Variants in MGAT4C observed in about 807,000 individuals in gnomAD.
MGAT4C encodes the protein MGAT4 family member C, also known as alpha-1,3-mannosyl-glycoprotein 4-beta-N-acetylglucosaminyltransferase C.
A neutral mutation model predicts 40.1 loss-of-function variants in MGAT4C; 19 were observed. The observed-to-expected ratio is 0.47, with a 90% CI of 0.33 to 0.70. The LOEUF (loss-of-function observed/expected upper bound fraction) is 0.70. MGAT4C is among the 30% of genes least tolerant of loss of function. The pLI is 0.02. For missense variants in MGAT4C, 491 were observed against 563.2 expected, an observed-to-expected ratio of 0.87 and a Z score of 1.30; for synonymous variants, 181 against 187.1, an observed-to-expected ratio of 0.97 and a Z score of 0.27.
intron 4 of MGAT4C, among the ~76,000 whole-genome samples, chr12:86,317,225 A>G (rs1262334946): frequency 6.6e-6 from 1 of 152,178 alleles, no homozygotes; most frequent in Admixed American, 6.5e-5. Context: ...TTAACAAAAA[A>G]GAGCAAAAAC....
chr12:86,704,425 A>G (rs1950421307), intron 2 of MGAT4C, among the ~76,000 whole-genome samples: 1 of 152,106 alleles, frequency 6.6e-6, no homozygotes, highest in South Asian at 2.1e-4. Flanking sequence ...AAAAACATAT[A>G]CATGTTTACT....
chr12:86,040,633 T>C (rs2136935878), intron 2 of MGAT4C, among the ~76,000 whole-genome samples: 1 of 151,736 alleles, frequency 6.6e-6, no homozygotes, highest in African/African-American at 2.4e-5. Flanking sequence ...GCCAGACCAC[T>C]TGGCTCCCTG....
intron 3 of MGAT4C, among the ~76,000 whole-genome samples, chr12:86,354,570 A>C (rs1315996068): frequency 6.6e-6 from 1 of 152,204 alleles, no homozygotes; most frequent in African/African-American, 2.4e-5. Flanking sequence ...GAAAATTTTA[A>C]ATCTAAAAAT....
chr12:86,686,554 A>T (rs1001015813), intron 2 of MGAT4C, among the ~76,000 whole-genome samples: 17 of 152,134 alleles, frequency 1.1e-4, no homozygotes, highest in African/African-American at 4.1e-4. Context: ...AGTGTTGTTG[A>T]ATTTTATCAA....
At chr12:86,463,224 G>A (rs1592877389) in intron 2 of MGAT4C, among the ~76,000 whole-genome samples, 2 of 152,000 alleles carry the variant, frequency 1.3e-5, no homozygotes, top group Admixed American at 1.3e-4. Context: ...AAGAGTTAAA[G>A]AATTTCTTTA....
chr12:86,089,294 T>C (rs140078249), intron 1 of MGAT4C, among the ~76,000 whole-genome samples: 2,075 of 152,046 alleles, frequency 0.014, 13 homozygotes, highest in Non-Finnish European at 0.021. Context: ...TCTTATTTTA[T>C]TGTATTTTTA....
chr12:86,705,689 G>T (rs1029641701), intron 2 of MGAT4C, among the ~76,000 whole-genome samples: 3 of 152,092 alleles, frequency 2.0e-5, no homozygotes, highest in Non-Finnish European at 2.9e-5. Flanking sequence ...CTCTAGGAAA[G>T]AAAATTTAGC....
chr12:86,703,249 A>G (rs1489790026), intron 2 of MGAT4C, among the ~76,000 whole-genome samples: 1 of 152,180 alleles, frequency 6.6e-6, no homozygotes, highest in Admixed American at 6.5e-5. Context: ...GACAACAAAA[A>G]ATTTAGAATA....
At chr12:86,624,869 TA>T (rs1962751717) in intron 2 of MGAT4C, among the ~76,000 whole-genome samples, 1 of 152,066 alleles carries the variant, frequency 6.6e-6, no homozygotes, top group African/African-American at 2.4e-5. Context: ...AATCAGCTAT[TA>T]TAAATATTTT....
intron 2 of MGAT4C, among the ~76,000 whole-genome samples, chr12:86,535,905 A>G (rs1298071260): frequency 6.6e-6 from 1 of 152,078 alleles, no homozygotes; most frequent in African/African-American, 2.4e-5. Context: ...CATACATAAA[A>G]TTATTGTAGA....
intron 1 of MGAT4C, among the ~76,000 whole-genome samples, chr12:86,209,886 C>T (rs1183485730): frequency 6.6e-6 from 1 of 152,048 alleles, no homozygotes; most frequent in East Asian, 1.9e-4. Context: ...AAAAACAACC[C>T]CTTAGGTAAA....
At position 86,800,121 on chromosome 12, in the gene MGAT4C, C is replaced by T. The variant is rs188717464; in HGVS notation, c.-262+38545G>A. On this transcript the variant is annotated intron_variant, in intron 1 of 7. Transcript: ENST00000548651. ...GTTGGAAGATGTGTTCCTTAGACTA[C>T]CATTTCAGCTGACTTATGGCTTGGT... Among the ~76,000 whole-genome samples the T allele has an allele frequency of 3.5e-3, 538 of 151,974 alleles. 3 individuals carry two copies. The highest frequency in any genetic ancestry group is 0.017 in the Middle Eastern group (5 of 294).
intron 1 of MGAT4C, among the ~76,000 whole-genome samples, chr12:86,737,435 CT>C (rs1394731833): frequency 6.8e-6 from 1 of 146,242 alleles, no homozygotes; most frequent in Non-Finnish European, 1.5e-5. Context: ...CCTCAGTCTA[CT>C]TTTTTCTTAA....
At chr12:86,116,475 T>C (rs1468359067) in intron 1 of MGAT4C, among the ~76,000 whole-genome samples, 1 of 151,944 alleles carries the variant, frequency 6.6e-6, no homozygotes, top group Non-Finnish European at 1.5e-5. Context: ...AGATGTCAAA[T>C]AGAAAGCTAA....
rs143263648 is a variant in MGAT4C, at chr12:86,580,633, G to A, written c.-228-145368C>T. 1.7e-3 allele frequency among the ~76,000 whole-genome samples: 251 copies of A among 151,548 alleles called. 3 individuals carry two copies. Among genetic ancestry groups the A allele is most frequent in the African/African-American group, 5.8e-3 (241 of 41,448 alleles). The stretch of plus-strand genomic sequence containing the variant: ...TCATCCTTGCTCACTTATTTACTAT[G>A]TGATGGGTGTAATTAGCACTTTCTT... On this transcript the variant is annotated intron_variant, in intron 2 of 7. Coordinates refer to the MGAT4C transcript ENST00000548651.
chr12:86,016,638 G>A (rs955575739), intron 2 of MGAT4C, among the ~76,000 whole-genome samples: 4 of 152,104 alleles, frequency 2.6e-5, no homozygotes, highest in Non-Finnish European at 5.9e-5. Flanking sequence ...GTTAGTTCTG[G>A]ATTTCCCACC....
intron 4 of MGAT4C, among the ~76,000 whole-genome samples, chr12:86,315,629 C>G (rs889768809): frequency 2.6e-5 from 4 of 152,110 alleles, no homozygotes; most frequent in African/African-American, 4.8e-5. Flanking sequence ...TGGCATGAAC[C>G]CGGGAGGCGG....
At chr12:86,080,415 T>C (rs1013299087) in intron 1 of MGAT4C, among the ~76,000 whole-genome samples, 4 of 152,162 alleles carry the variant, frequency 2.6e-5, no homozygotes, top group African/African-American at 9.7e-5. Context: ...TTGATTACTA[T>C]AGAAAATAGG....
intron 2 of MGAT4C, among the ~76,000 whole-genome samples, chr12:86,539,955 C>A (rs1451336767): frequency 6.6e-6 from 1 of 152,102 alleles, no homozygotes; most frequent in Non-Finnish European, 1.5e-5. Flanking sequence ...TAAAAATTTT[C>A]TCCCATTCTG....
Sources: allele counts gnomAD v4.1 joint callset (sites outside exome capture counted in the v4.1 genomes callset), GRCh38; gene constraint gnomAD v4.1.1; transcripts MANE v1.5; gene names NCBI Gene and HGNC (gene_info 2026-07-23, HGNC 2026-07-21).